CYP17A1: variants seen among roughly 807,000 people sequenced by gnomAD.
CYP17A1 encodes cytochrome P450 family 17 subfamily A member 1.
In CYP17A1, 27 loss-of-function variants were observed where a neutral mutation model predicts 38.5. The ratio of observed to expected loss-of-function variants is 0.70; its 90% CI spans 0.52 to 0.97. The LOEUF (loss-of-function observed/expected upper bound fraction) is 0.97. Among genes scored for constraint, CYP17A1 ranks in the 50% least tolerant of loss-of-function variants. The probability of loss-of-function intolerance (pLI) is 0.00; values close to 1 mark genes in which losing one functional copy is unlikely to be tolerated. For synonymous variants in CYP17A1, 263 were observed against 253.3 expected, an observed-to-expected ratio of 1.04 and a Z score of -0.36; for missense variants, 549 against 645.9, an observed-to-expected ratio of 0.85 and a Z score of 1.63.
rs550594217 is a variant in CYP17A1 at position 102,835,353 on chromosome 10, C to T, written c.337G>A (p.Ala113Thr). 4 of 1,612,254 alleles carry T rather than the reference C, an allele frequency of 2.5e-6. No homozygotes were observed. Among genetic ancestry groups the T allele is most frequent in the African/African-American group, 1.3e-5 (1 of 74,896 alleles). The change falls in exon 2 of 8, where the codon GCC becomes ACC. Residue 113 changes from alanine (A) to threonine (T), a missense_variant. Physicochemically the swap from Ala to Thr is moderately conservative, Grantham distance 58 (BLOSUM62 0). Around this residue, in one of 3 missense-constraint regions of CYP17A1, gnomAD observed 289 missense variants for 320.9 expected, o/e 0.90. Transcript: ENST00000369887. ...CAGTGTGCGCCAGAGTCAGCGAAGG[C>T]GATACCCTTACGGTTGTTGGACGCG... ...DIASNNRKGI[A>T]FADSGAHWQL...
chr10:102,832,437 G>T, intron 6 of CYP17A1, 74 bp downstream of exon 6: 1 of 991,092 alleles, frequency 1.0e-6, no homozygotes. Flanking sequence ...GCCGGGGGTA[G>T]GGGGAGCCAG....
intron 3 of CYP17A1, chr10:102,834,438 C>G: frequency 1.8e-6 from 1 of 551,932 alleles, no homozygotes; most frequent in African/African-American, 1.9e-5. Flanking sequence ...CAGACAAGCT[C>G]CTTAACCCCG....
chr10:102,835,733 A>T (rs1037996240), intron 1 of CYP17A1: 4 of 386,976 alleles, frequency 1.0e-5, no homozygotes, highest in African/African-American at 8.3e-5. Flanking sequence ...GCAACTCTGG[A>T]TGGGATAAAC....
In CYP17A1 at chr10:102,832,571, A is replaced by C; in HGVS notation, c.1079T>G (p.Val360Gly). ...LLLLEATIRE[V>G]LRLRPVAPML... Reference sequence around the variant, plus strand: ...AGGGGCCACGGGCCTGAGGCGAAGCACCTCTCGGATGGTGGCCTCCAGCAG... The same window carrying C: ...AGGGGCCACGGGCCTGAGGCGAAGCCCCTCTCGGATGGTGGCCTCCAGCAG... Residue 360 changes from valine to glycine, a missense_variant, in exon 6 of 8, where the codon GTG (valine) becomes GGG (glycine). Coordinates refer to ENST00000369887, the MANE Select transcript of CYP17A1 (RefSeq NM_000102.4). 2 of 1,610,512 alleles carry C rather than the reference A, an allele frequency of 1.2e-6. No individual in the cohort carries two copies. Among genetic ancestry groups the C allele is most frequent in the South Asian group, 1.1e-5 (1 of 90,950 alleles).
chr10:102,831,096 G>A, intron 7 of CYP17A1, 111 bp from the exon 8 acceptor site: 1 of 459,104 alleles, frequency 2.2e-6, no homozygotes, highest in Admixed American at 3.1e-5. Flanking sequence ...CCTGATCTGA[G>A]GATGTAGCCT....
In CYP17A1 at chr10:102,832,609, A is replaced by T; in HGVS notation, c.1041T>A (p.Arg347=). Residue 347 remains arginine, a synonymous_variant, in exon 6 of 8, where the codon CGT becomes CGA. Coordinates refer to ENST00000369887, the MANE Select transcript of CYP17A1 (RefSeq NM_000102.4). ...TGGCCTCCAGCAGGAGGAGACGGTT[A>T]CGGTCACTGATAGTTGGTGTGCGGC... ...GFSRTPTISD[R]NRLLLLEATI... is the part of the protein sequence containing the mutation. The T allele has an allele frequency of 6.2e-7, 1 of 1,604,270 alleles. No individual in the cohort carries two copies. The highest frequency in any genetic ancestry group is 2.2e-5 in the East Asian group (1 of 44,846).
chr10:102,831,670 A>G, intron 6 of CYP17A1, 59 bp from the exon 7 acceptor site: 1 of 1,604,148 alleles, frequency 6.2e-7, no homozygotes, highest in Non-Finnish European at 8.5e-7. Flanking sequence ...TTCCTTGCTC[A>G]GCCTCATGCC....
rs1844130170 is a variant in CYP17A1 at position 102,834,319 on chromosome 10, G to A, written c.667-197C>T. On this transcript the variant is annotated intron_variant, in intron 3 of 7. Coordinates refer to ENST00000369887, the MANE Select transcript of CYP17A1 (RefSeq NM_000102.4). ...GACGACGAAGACAATTCTAAACAAG[G>A]GAGGAGGGCGTGGTCTCCACCTCTC... is the stretch of plus-strand genomic sequence containing the variant. 3 of 605,234 alleles carry A rather than the reference G, an allele frequency of 5.0e-6. No homozygotes were observed. The African/African-American group carries it at 5.6e-5, about 11-fold the overall frequency. The allele number at this position is 605,234 out of a possible 1,614,324, so 37.5% of individuals were successfully genotyped here. A position where few individuals can be genotyped will look rare whatever the true frequency, so the allele number is the denominator to read the frequency against.
chr10:102,835,053 G>T, intron 2 of CYP17A1, 39 bp from the exon 3 acceptor site: 2 of 1,309,116 alleles, frequency 1.5e-6, no homozygotes, highest in Non-Finnish European at 2.2e-6. Flanking sequence ...AAATGAATCA[G>T]CACCCTTACC....
chr10:102,833,829 T>C (rs1465326958), intron 4 of CYP17A1: 3 of 519,180 alleles, frequency 5.8e-6, no homozygotes, highest in Non-Finnish European at 7.0e-6. Flanking sequence ...TGACCTCAAT[T>C]GATCTGCCCA....
At chr10:102,833,884 G>A (rs986228486) in intron 4 of CYP17A1, 152 bp downstream of exon 4, 13 of 621,600 alleles carry the variant, frequency 2.1e-5, no homozygotes, top group Admixed American at 5.3e-5. Context: ...GAGCCACCGC[G>A]CCCAGCCCTT....
At chr10:102,836,798 G>A (rs1014682139) in intron 1 of CYP17A1, 1 of 527,470 alleles carries the variant, frequency 1.9e-6, no homozygotes, top group Non-Finnish European at 3.4e-6. Context: ...AGTGGAGTGA[G>A]GATTCCTTGA....
chr10:102,832,523 T>C lies in CYP17A1; in HGVS notation c.1127A>G (p.Asn376Ser), dbSNP rs1176754857. Residue 376 changes from asparagine (N) to serine (S), a missense_variant, in exon 6 of 8, where the codon AAC (asparagine) becomes AGC (serine). Asn to Ser is a conservative substitution (Grantham distance 46). Around this residue, in one of 3 missense-constraint regions of CYP17A1, gnomAD observed 257 missense variants for 307.9 expected, o/e 0.83. Coordinates refer to ENST00000369887, the MANE Select transcript of CYP17A1 (RefSeq NM_000102.4). ...VAPMLIPHKA[N>S]VDSSIGEFAV... ...AGGGCAGGCACACCTGGAGTCAACG[T>C]TGGCCTTGTGGGGGATGAGCATAGG... The C allele has an allele frequency of 6.8e-6, 11 of 1,607,994 alleles. No individual in the cohort carries two copies. The Middle Eastern group carries it at 6.6e-4, about 97-fold the overall frequency.
intron 4 of CYP17A1, chr10:102,833,680 T>C (rs1432433103): frequency 1.0e-5 from 3 of 287,832 alleles, no homozygotes; most frequent in Non-Finnish European, 2.0e-5. Flanking sequence ...GGTCTCGAAC[T>C]CCCAACCTCA....
chr10:102,830,885 G>A lies in CYP17A1; in HGVS notation c.1344C>T (p.Ala448=). 1 of 1,578,570 alleles carries A rather than the reference G, an allele frequency of 6.3e-7. No individual in the cohort carries two copies. The highest frequency in any genetic ancestry group is 8.6e-7 in the Non-Finnish European group (1 of 1,156,888). Residue 448 remains alanine (A), a synonymous_variant, in exon 8 of 8, where the codon GCC becomes GCT. Coordinates refer to ENST00000369887, the MANE Select transcript of CYP17A1 (RefSeq NM_000102.4). This position sits in a 1 kb window ranked among gnomAD's most constrained non-coding sequence, Gnocchi z 4.1. ...GPRSCIGEIL[A]RQELFLIMAW... The stretch of plus-strand genomic sequence containing the variant: ...CCATGATGAGGAAGAGCTCCTGGCG[G>A]GCCAGGATCTCACCTATACAGGAGC...
chr10:102,835,713 C>T, intron 1 of CYP17A1: 2 of 400,710 alleles, frequency 5.0e-6, no homozygotes, highest in South Asian at 2.1e-5. Context: ...CAGTTTCTGA[C>T]CACAGGAAGG....
intron 4 of CYP17A1, 121 bp downstream of exon 4, chr10:102,833,915 C>T (rs1844124439): frequency 7.2e-6 from 5 of 696,818 alleles, no homozygotes; most frequent in South Asian, 1.6e-5. Flanking sequence ...TTATTGTACA[C>T]CTACTATGTG....
At chr10:102,834,446 C>T in intron 3 of CYP17A1, 1 of 551,776 alleles carries the variant, frequency 1.8e-6, no homozygotes, top group Non-Finnish European at 3.3e-6. Flanking sequence ...CTCCTTAACC[C>T]CGCTAAGCCT....
In CYP17A1 at chr10:102,831,002, G is replaced by T. The variant is rs772528544; in HGVS notation, c.1244-17C>A. On this transcript the variant is annotated splice_polypyrimidine_tract_variant and intron_variant, in intron 7 of 7. Transcript: ENST00000369887. ...AGAAACGCTCTGCAGGCAAGGAGTG[G>T]CATCAGCCAGGGGTTAGGGCAGGAG... The T allele has an allele frequency of 2.6e-6, 4 of 1,540,708 alleles. No individual in the cohort carries two copies. Among genetic ancestry groups the T allele is most frequent in the East Asian group, 2.4e-5 (1 of 42,134 alleles).
Sources: gnomAD v4.1 joint callset for allele counts on GRCh38, gnomAD v4.1.1 for gene constraint, gnomAD v4.1.1 regional missense constraint, Gnocchi (gnomAD v3.1) non-coding constraint, MANE v1.5 for transcripts, NCBI Gene and HGNC (gene_info 2026-07-23, HGNC 2026-07-21) for gene names.